Variants in ZNF277 observed in about 807,000 individuals in gnomAD.
ZNF277 encodes zinc finger protein 277.
Under a neutral mutation model 60.7 loss-of-function variants are expected in ZNF277, and 55 were observed. That is an observed-to-expected ratio of 0.91 (90% CI 0.73 to 1.13). The LOEUF is 1.13. Ranked by LOEUF, ZNF277 falls within the 50% of genes most tolerant of loss-of-function variation. The probability of loss-of-function intolerance (pLI) is 0.00; values close to 1 mark genes in which losing one functional copy is unlikely to be tolerated. For missense variants in ZNF277, 510 were observed against 523.0 expected, an observed-to-expected ratio of 0.98 and a Z score of 0.24; for synonymous variants, 178 against 179.3, an observed-to-expected ratio of 0.99 and a Z score of 0.06.
rs567414620 is a variant in ZNF277 at position 112,330,428 on chromosome 7, G to A, written c.801+212G>A. The A allele has an allele frequency of 1.1e-4, 59 of 531,240 alleles. No homozygotes were observed. In the African/African-American group the frequency reaches 1.1e-3, roughly 10 times the overall value. The allele number at this position is 531,240 out of a possible 1,614,324, so 32.9% of individuals were successfully genotyped here. A position where few individuals can be genotyped will look rare whatever the true frequency, so the allele number is the denominator to read the frequency against. Reference sequence around the variant, plus strand: ...TTGACAGTGTTTATGTAGTAAAAATGTCATGTCTCTAGAACTCACAGTCAT... The same window carrying A: ...TTGACAGTGTTTATGTAGTAAAAATATCATGTCTCTAGAACTCACAGTCAT... On this transcript the variant is annotated intron_variant, in intron 7 of 11. Coordinates refer to ENST00000361822, the MANE Select transcript of ZNF277 (RefSeq NM_021994.3).
At chr7:112,284,599 T>C (rs915615203) in intron 1 of ZNF277, among the ~76,000 whole-genome samples, 6 of 152,226 alleles carry the variant, frequency 3.9e-5, no homozygotes, top group Admixed American at 3.9e-4. Flanking sequence ...ATAAATATAG[T>C]AATTGATAAC....
chr7:112,236,113 A>G (rs1017034640), intron 1 of ZNF277, among the ~76,000 whole-genome samples: 7 of 152,186 alleles, frequency 4.6e-5, no homozygotes, highest in African/African-American at 1.7e-4. Context: ...TTCTGATGCT[A>G]GTACCACACT....
At chr7:112,312,389 A>C (rs1792750924) in intron 4 of ZNF277, among the ~76,000 whole-genome samples, 1 of 152,090 alleles carries the variant, frequency 6.6e-6, no homozygotes, top group Admixed American at 6.6e-5. Context: ...GTAATTGAAT[A>C]AATCTAAGTA....
At chr7:112,330,548 CTTTT>C (rs1171213748) in intron 7 of ZNF277, 59 of 108,118 alleles carry the variant, frequency 5.5e-4, no homozygotes, top group South Asian at 1.6e-3. Flanking sequence ...AGACTCCTTT[CTTTT>C]TTTTTTTTTT....
At chr7:112,342,537 C>T (rs1359802365) in intron 11 of ZNF277, 24 bp from the exon 12 acceptor site, 1 of 1,574,498 alleles carries the variant, frequency 6.4e-7, no homozygotes, top group Non-Finnish European at 8.6e-7. Flanking sequence ...TAATTTAATA[C>T]TATGTATCTG....
intron 1 of ZNF277, among the ~76,000 whole-genome samples, chr7:112,268,029 C>G (rs1791588399): frequency 6.6e-6 from 1 of 152,108 alleles, no homozygotes; most frequent in Non-Finnish European, 1.5e-5. Flanking sequence ...TCTAGAAAGT[C>G]AAAGGTACCT....
At chr7:112,259,867 G>A (rs914464198) in intron 1 of ZNF277, among the ~76,000 whole-genome samples, 5 of 152,116 alleles carry the variant, frequency 3.3e-5, no homozygotes, top group Non-Finnish European at 7.4e-5. Context: ...CAACAGATAC[G>A]TGAATTAAGC....
chr7:112,252,096 T>A (rs1016418721), intron 1 of ZNF277, among the ~76,000 whole-genome samples: 1 of 152,230 alleles, frequency 6.6e-6, no homozygotes, highest in Non-Finnish European at 1.5e-5. Context: ...TTTTTTACAC[T>A]GATGCACAAT....
intron 1 of ZNF277, among the ~76,000 whole-genome samples, chr7:112,262,150 T>C (rs1791451640): frequency 6.6e-6 from 1 of 151,766 alleles, no homozygotes; most frequent in Non-Finnish European, 1.5e-5. Context: ...GCTCTCCTCC[T>C]TCCTACAATC....
At chr7:112,341,971 A>G (rs1260445975) in intron 11 of ZNF277, among the ~76,000 whole-genome samples, 2 of 151,842 alleles carry the variant, frequency 1.3e-5, no homozygotes, top group Non-Finnish European at 2.9e-5. Flanking sequence ...AGGAACCAGA[A>G]TAACAAACTT....
chr7:112,260,801 G>A (rs1311125851), intron 1 of ZNF277, among the ~76,000 whole-genome samples: 8 of 152,166 alleles, frequency 5.3e-5, no homozygotes, highest in Admixed American at 5.2e-4. Context: ...AAATAGTTGG[G>A]CCTACTCTAG....
In ZNF277 at chr7:112,342,697, CA is replaced by C. The variant is rs1793468800; in HGVS notation, c.1324del (p.Ser442AlafsTer4). The part of the protein sequence containing the change: ...EDTSKLYALK[Q>X]SSILNQLLL The stretch of plus-strand genomic sequence containing the variant: ...TACATCTAAACTGTATGCTTTGAAA[CA>C]AAGCAGTATTTTGAACCAGTTGCTA... On this transcript the variant is annotated frameshift_variant, in exon 12 of 12. Transcript: ENST00000361822. LOFTEE classifies it high-confidence loss of function. 2 of 1,606,298 alleles carry C rather than the reference CA, an allele frequency of 1.2e-6. No individual in the cohort carries two copies. Among genetic ancestry groups the C allele is most frequent in the African/African-American group, 1.3e-5 (1 of 74,786 alleles).
intron 1 of ZNF277, among the ~76,000 whole-genome samples, chr7:112,216,307 TTTTG>T (rs1382918321): frequency 6.6e-6 from 1 of 152,028 alleles, no homozygotes; most frequent in African/African-American, 2.4e-5. Context: ...TTTTGTTTGT[TTTTG>T]TTTGTTTTTT....
intron 1 of ZNF277, among the ~76,000 whole-genome samples, chr7:112,261,601 T>C (rs1373652665): frequency 6.6e-6 from 1 of 152,192 alleles, no homozygotes; most frequent in Non-Finnish European, 1.5e-5. Flanking sequence ...ATTTTCTTGC[T>C]TCTTCCCTAA....
At chr7:112,241,725 A>G (rs948111612) in intron 1 of ZNF277, among the ~76,000 whole-genome samples, 1 of 152,166 alleles carries the variant, frequency 6.6e-6, no homozygotes, top group African/African-American at 2.4e-5. Context: ...ATTGGAGGAC[A>G]TTTTGTTAAG....
intron 8 of ZNF277, 47 bp downstream of exon 8, chr7:112,336,218 A>G (rs1356334178): frequency 6.6e-7 from 1 of 1,524,618 alleles, no homozygotes; most frequent in Non-Finnish European, 9.0e-7. Context: ...TCCAAGAGTA[A>G]GAAGACAATG....
chr7:112,280,017 C>T (rs546497773), intron 1 of ZNF277, among the ~76,000 whole-genome samples: 2 of 152,194 alleles, frequency 1.3e-5, no homozygotes, highest in East Asian at 3.9e-4. Context: ...AATTTATTTC[C>T]TGGATGTGCA....
intron 1 of ZNF277, among the ~76,000 whole-genome samples, chr7:112,240,442 A>T (rs1790919714): frequency 6.6e-6 from 1 of 152,186 alleles, no homozygotes; most frequent in South Asian, 2.1e-4. Flanking sequence ...TAACACAAAG[A>T]AAAGATAAAT....
At chr7:112,264,855 A>C (rs937880864) in intron 1 of ZNF277, among the ~76,000 whole-genome samples, 2 of 152,194 alleles carry the variant, frequency 1.3e-5, no homozygotes, top group African/African-American at 4.8e-5. Context: ...AAAGATACTT[A>C]ATTGGTAAAA....
Sources: gnomAD v4.1 joint callset for allele counts (sites outside exome capture counted in the v4.1 genomes callset) on GRCh38, gnomAD v4.1.1 for gene constraint, MANE v1.5 for transcripts, NCBI Gene and HGNC (gene_info 2026-07-23, HGNC 2026-07-21) for gene names.